Variants in TFPT observed in about 807,000 individuals in gnomAD.
TFPT encodes the protein TCF3 fusion partner, also known as INO80 complex subunit F.
In TFPT, 27 loss-of-function variants were observed where a neutral mutation model predicts 28.8. The observed-to-expected ratio is 0.94, with a 90% CI of 0.69 to 1.29. TFPT has a LOEUF of 1.29. TFPT is among the 50% of genes most tolerant of loss of function. TFPT has a pLI of 0.00. For synonymous variants in TFPT, 152 were observed against 142.8 expected (o/e 1.06, Z -0.46); for missense variants, 330 against 338.0 (o/e 0.98, Z 0.19).
At chr19:54,109,824 T>TCTCCACCCGGCCCTCCCTCAGTCCCAGC (rs2073394215) in intron 3 of TFPT, among the ~76,000 whole-genome samples, 3 of 53,042 alleles carry the variant, frequency 5.7e-5, no homozygotes, top group African/African-American at 1.2e-4. Flanking sequence ...TCAGTCCCAG[T>TCTCCACCCGGCCCTCCCTCAGTCCCAGC]GCTCAGCCCT....
At position 54,107,104 on chromosome 19, in the gene TFPT, C is replaced by T; in HGVS notation, c.708G>A (p.Arg236=). The T allele has an allele frequency of 3.1e-6, 5 of 1,613,878 alleles. No homozygotes were observed. Among genetic ancestry groups the T allele is most frequent in the Non-Finnish European group, 4.2e-6 (5 of 1,179,972 alleles). The change falls in exon 6 of 6, where the codon CGG becomes CGA. Residue 236 remains arginine (R), a synonymous_variant. Transcript: ENST00000391759. ...GGTAGGGCAGCAGTTTGTCTGGACC[C>T]CGAGAAACCCAACTGGAATCCAGGG... The part of the protein sequence containing the change: ...DEALDSSWVS[R]GPDKLLPYPT...
intron 2 of TFPT, among the ~76,000 whole-genome samples, chr19:54,114,232 G>A (rs1459147231): frequency 6.6e-6 from 1 of 152,248 alleles, no homozygotes; most frequent in African/African-American, 2.4e-5. Flanking sequence ...ACCCATCTGC[G>A]TTGTCAGGGA....
intron 2 of TFPT, 77 bp downstream of exon 2, chr19:54,114,365 T>C (rs2073549591): frequency 6.5e-7 from 1 of 1,539,758 alleles, no homozygotes; most frequent in African/African-American, 1.4e-5. Flanking sequence ...AGGCTGGGCA[T>C]GTGGAAAGGC....
rs772092108 is a variant in TFPT, at chr19:54,108,404, G to T, written c.354-9C>A. The T allele has an allele frequency of 1.2e-6, 2 of 1,613,960 alleles. No homozygotes were observed. The highest frequency in any genetic ancestry group is 1.7e-4 in the Middle Eastern group (1 of 6,060). On this transcript the variant is annotated splice_polypyrimidine_tract_variant and intron_variant, in intron 3 of 5. Coordinates refer to ENST00000391759, the MANE Select transcript of TFPT (RefSeq NM_013342.4). ...GCACTCTCATGAGGAACCTGCTCAG[G>T]GGGAGAAGCCACCAACGGAATAACT...
chr19:54,115,294 G>A lies in TFPT; in HGVS notation c.-25C>T. The A allele has an allele frequency of 1.2e-6, 2 of 1,613,938 alleles. No homozygotes were observed. The highest frequency in any genetic ancestry group is 1.1e-5 in the South Asian group (1 of 91,084). The stretch of plus-strand genomic sequence containing the variant: ...TCTCCGCGACCTCCGGAAGCCCCGG[G>A]CCTCAGAGCTTCCGACCTCTTCAAT... On this transcript the variant is annotated 5_prime_UTR_variant, in exon 1 of 6. Coordinates refer to ENST00000391759, the MANE Select transcript of TFPT (RefSeq NM_013342.4).
chr19:54,108,466 G>C, intron 3 of TFPT, 71 bp from the exon 4 acceptor site: 5 of 1,613,756 alleles, frequency 3.1e-6, no homozygotes, highest in Non-Finnish European at 4.2e-6. Context: ...CCACAGGATA[G>C]AGCTCAGCTC....
At chr19:54,110,497 C>A (rs866674101) in intron 2 of TFPT, among the ~76,000 whole-genome samples, 1 of 152,102 alleles carries the variant, frequency 6.6e-6, no homozygotes, top group Non-Finnish European at 1.5e-5. Flanking sequence ...GAGGCCGAGG[C>A]GAGTAGATCC....
chr19:54,110,028 A>G (rs1484174343), intron 3 of TFPT, 23 bp downstream of exon 3: 3 of 1,612,890 alleles, frequency 1.9e-6, no homozygotes, highest in East Asian at 2.2e-5. Flanking sequence ...TCACAGGCCC[A>G]GAGGGGACAG....
At chr19:54,109,952 TGTGAGGG>T in intron 3 of TFPT, 92 bp downstream of exon 3, 1 of 1,003,674 alleles carries the variant, frequency 1.0e-6, no homozygotes, top group Admixed American at 2.3e-5. Context: ...CCTTGTGGCT[TGTGAGGG>T]TTGGGTGGAT....
chr19:54,112,139 G>A (rs897411593), intron 2 of TFPT, among the ~76,000 whole-genome samples: 1 of 151,608 alleles, frequency 6.6e-6, no homozygotes, highest in African/African-American at 2.4e-5. Context: ...CTTGGTGGCT[G>A]TAGTCCCAGC....
intron 2 of TFPT, among the ~76,000 whole-genome samples, chr19:54,112,085 G>C (rs1384535541): frequency 6.6e-6 from 1 of 152,030 alleles, no homozygotes; most frequent in South Asian, 2.1e-4. Context: ...GGGCAACAGA[G>C]TGAGACCCCA....
intron 5 of TFPT, 56 bp from the exon 6 acceptor site, chr19:54,107,225 C>G: frequency 6.3e-7 from 1 of 1,577,368 alleles, no homozygotes; most frequent in African/African-American, 1.4e-5. Flanking sequence ...AAAATCCCAT[C>G]AGCTTCACCA....
intron 2 of TFPT, among the ~76,000 whole-genome samples, chr19:54,112,124 CT>C (rs2073473189): frequency 1.3e-5 from 2 of 151,574 alleles, no homozygotes; most frequent in Non-Finnish European, 2.9e-5. Flanking sequence ...AAAAAATTAG[CT>C]GGGCTTGGTG....
chr19:54,114,332 TG>T (rs1263463140), intron 2 of TFPT, 109 bp downstream of exon 2: 2 of 1,478,058 alleles, frequency 1.4e-6, no homozygotes, highest in Admixed American at 4.3e-5. Context: ...GCTAAATGAC[TG>T]AATATATCAG....
At position 54,110,048 on chromosome 19, in the gene TFPT, TA is replaced by T. The variant is rs1568568018; in HGVS notation, c.353+2del. 2 of 1,613,990 alleles carry T rather than the reference TA, an allele frequency of 1.2e-6. No homozygotes were observed. Among genetic ancestry groups the T allele is most frequent in the South Asian group, 2.2e-5 (2 of 91,078 alleles). On this transcript the variant is annotated splice_donor_variant, in intron 3 of 5. Coordinates refer to ENST00000391759, the MANE Select transcript of TFPT (RefSeq NM_013342.4). LOFTEE classifies it high-confidence loss of function. ...GGCCCAGAGGGGACAGAGAAGGGGT[TA>T]CCTCCGTTCCTGCTGCAGCCTCCGA...
rs1051140983 is a variant in TFPT, at chr19:54,110,116, G to C, written c.288C>G (p.Asn96Lys). ...GRRCREIEQV[N>K]ERVLNRLHQV... Reference sequence around the variant, plus strand: ...GATGGAGCCTGTTCAGGACCCGCTCGTTCACCTATGGGGTGGGAAACGCCC... The same window carrying C: ...GATGGAGCCTGTTCAGGACCCGCTCCTTCACCTATGGGGTGGGAAACGCCC... Residue 96 changes from asparagine (N) to lysine (K), a missense_variant, in exon 3 of 6, where the codon AAC becomes AAG. Physicochemically the swap from Asn to Lys is moderately conservative, Grantham distance 94. Transcript: ENST00000391759. 21 of 1,613,996 alleles carry C rather than the reference G, an allele frequency of 1.3e-5. No individual in the cohort carries two copies. In the African/African-American group the frequency reaches 2.3e-4, roughly 17 times the overall value.
At chr19:54,107,963 T>G in intron 5 of TFPT, 63 bp downstream of exon 5, 2 of 1,473,164 alleles carry the variant, frequency 1.4e-6, no homozygotes, top group Non-Finnish European at 1.8e-6. Context: ...TCCCCCCTCC[T>G]TACCTGCACT....
chr19:54,107,494 C>T (rs2073305160), intron 5 of TFPT: 1 of 337,824 alleles, frequency 3.0e-6, no homozygotes, highest in Non-Finnish European at 5.5e-6. Flanking sequence ...AGTGATCCTC[C>T]CACCTAGGCC....
At chr19:54,110,816 T>A (rs2073432665) in intron 2 of TFPT, among the ~76,000 whole-genome samples, 1 of 152,150 alleles carries the variant, frequency 6.6e-6, no homozygotes, top group Non-Finnish European at 1.5e-5. Context: ...GGACGCAGCC[T>A]CTCCGCCTCT....
Sources: allele counts gnomAD v4.1 joint callset (sites outside exome capture counted in the v4.1 genomes callset), GRCh38; gene constraint gnomAD v4.1.1; transcripts MANE v1.5; gene names NCBI Gene and HGNC (gene_info 2026-07-23, HGNC 2026-07-21).